The following ROCK1 variants were observed in gnomAD, a reference collection of about 807,000 sequenced individuals.
ROCK1 encodes the protein rho-associated protein kinase 1.
Under a neutral mutation model 196.8 loss-of-function variants are expected in ROCK1, and 36 were observed. The ratio of observed to expected loss-of-function variants is 0.18; its 90% confidence interval spans 0.14 to 0.24. The LOEUF (loss-of-function observed/expected upper bound fraction) is 0.24. ROCK1 is among the 10% of genes least tolerant of loss of function. ROCK1 has a pLI of 1.00. For synonymous variants in ROCK1, 443 were observed against 515.9 expected (o/e 0.86, Z 1.91); for missense variants, 920 against 1,562.0 (o/e 0.59, Z 6.93).
chr18:21,035,353 C>A (rs1343962650), intron 9 of ROCK1, among the ~76,000 whole-genome samples: 6 of 152,192 alleles, frequency 3.9e-5, no homozygotes, highest in Admixed American at 3.9e-4. Flanking sequence ...AATGTTATGG[C>A]ATTTCCTCAA....
chr18:21,008,309 G>A (rs1287279213), intron 13 of ROCK1, 115 bp from the exon 14 acceptor site: 36 of 738,640 alleles, frequency 4.9e-5, no homozygotes, highest in Admixed American at 6.7e-5. Context: ...AAACACTTAA[G>A]ATGAATGTTC....
intron 13 of ROCK1, among the ~76,000 whole-genome samples, chr18:21,010,477 C>T (rs2035807365): frequency 6.6e-6 from 1 of 152,092 alleles, no homozygotes; most frequent in African/African-American, 2.4e-5. Flanking sequence ...GTATTTTTTT[C>T]ACTGAGACTT....
intron 2 of ROCK1, among the ~76,000 whole-genome samples, chr18:21,067,753 T>G (rs1007816217): frequency 2.0e-5 from 3 of 152,224 alleles, no homozygotes; most frequent in African/African-American, 7.2e-5. Context: ...CCAGTTTATC[T>G]ATTTTTCTTT....
At chr18:20,959,031 ATT>A (rs1489056923) in intron 29 of ROCK1, among the ~76,000 whole-genome samples, 3 of 65,260 alleles carry the variant, frequency 4.6e-5, no homozygotes, top group Non-Finnish European at 7.2e-5. Flanking sequence ...TAATATATAT[ATT>A]TTATATAATA....
chr18:21,028,600 A>G (rs2035981106), intron 10 of ROCK1, among the ~76,000 whole-genome samples, 176 bp downstream of exon 10: 6 of 152,224 alleles, frequency 3.9e-5, no homozygotes, highest in Admixed American at 3.3e-4. Flanking sequence ...TGTCCTAAAC[A>G]TGGATGAGTC....
chr18:21,085,448 A>G (rs999868221), intron 1 of ROCK1, among the ~76,000 whole-genome samples: 3 of 152,032 alleles, frequency 2.0e-5, no homozygotes, highest in African/African-American at 7.2e-5. Flanking sequence ...GAAGGTGCAC[A>G]TACCAGCTTA....
At position 21,042,245 on chromosome 18, in the gene ROCK1, T is replaced by C. The variant is rs1409074961; in HGVS notation, c.821-10A>G. The C allele has an allele frequency of 6.4e-7, 1 of 1,554,628 alleles. No homozygotes were observed. The highest frequency in any genetic ancestry group is 8.6e-7 in the Non-Finnish European group (1 of 1,158,356). On this transcript the variant is annotated splice_polypyrimidine_tract_variant and intron_variant, in intron 7 of 32. Transcript: ENST00000399799. ...TAAAAAGGTGTATCACCTGAAAAAT[T>C]GATAAAGAAAACAAAAGCAAAATGA...
At chr18:21,072,720 C>CA (rs999215268) in intron 1 of ROCK1, among the ~76,000 whole-genome samples, 2 of 152,066 alleles carry the variant, frequency 1.3e-5, no homozygotes, top group African/African-American at 4.8e-5. Flanking sequence ...TAGGCATGAG[C>CA]AAAACTACCT....
intron 1 of ROCK1, among the ~76,000 whole-genome samples, chr18:21,075,530 A>G (rs1413783877): frequency 6.6e-6 from 1 of 152,216 alleles, no homozygotes; most frequent in East Asian, 1.9e-4. Context: ...TTGGGACTAC[A>G]ATACAGATTT....
At chr18:20,982,731 C>G (rs377754011) in intron 21 of ROCK1, 32 bp downstream of exon 21, 34 of 1,049,828 alleles carry the variant, frequency 3.2e-5, no homozygotes, top group East Asian at 1.7e-4. Flanking sequence ...GGTTTTGAAA[C>G]AGTGTGTATG....
intron 1 of ROCK1, among the ~76,000 whole-genome samples, chr18:21,072,362 A>G (rs1298383225): frequency 6.6e-6 from 1 of 152,208 alleles, no homozygotes; most frequent in East Asian, 1.9e-4. Context: ...GCAAGAATGT[A>G]TTCTTCTAAC....
chr18:21,056,330 A>C (rs1462498104), intron 2 of ROCK1, among the ~76,000 whole-genome samples: 2 of 152,216 alleles, frequency 1.3e-5, no homozygotes, highest in Non-Finnish European at 2.9e-5. Flanking sequence ...AAACTGAAGA[A>C]ATATTCTCAC....
At chr18:21,024,883 G>T (rs1441567526) in intron 10 of ROCK1, among the ~76,000 whole-genome samples, 1 of 152,182 alleles carries the variant, frequency 6.6e-6, no homozygotes, top group African/African-American at 2.4e-5. Flanking sequence ...TAGGTGTGGT[G>T]CAATTTAATT....
chr18:20,987,319 A>G (rs890914763), intron 18 of ROCK1, among the ~76,000 whole-genome samples: 15 of 152,240 alleles, frequency 9.9e-5, no homozygotes, highest in Non-Finnish European at 2.1e-4. Flanking sequence ...AATATAATAC[A>G]GTAATAAAAT....
intron 16 of ROCK1, 142 bp from the exon 17 acceptor site, chr18:20,993,079 A>G (rs987541028): frequency 1.7e-6 from 1 of 574,852 alleles, no homozygotes; most frequent in Admixed American, 3.2e-5. Context: ...TGTTTTCACA[A>G]TAAACACAAG....
intron 1 of ROCK1, among the ~76,000 whole-genome samples, chr18:21,072,339 G>C (rs1371138772): frequency 6.6e-6 from 1 of 152,070 alleles, no homozygotes; most frequent in Non-Finnish European, 1.5e-5. Flanking sequence ...CCTTTATTAG[G>C]GAAATAAAGT....
At chr18:20,991,056 G>T in intron 18 of ROCK1, 120 bp downstream of exon 18, 2 of 763,684 alleles carry the variant, frequency 2.6e-6, no homozygotes, top group East Asian at 2.7e-5. Context: ...CACTGTGCCA[G>T]GCCTATAATT....
At chr18:20,963,019 G>A (rs1431962668) in intron 27 of ROCK1, among the ~76,000 whole-genome samples, 2 of 151,926 alleles carry the variant, frequency 1.3e-5, no homozygotes, top group Non-Finnish European at 2.9e-5. Flanking sequence ...GAGGTATAAC[G>A]CTGTAAATTC....
At chr18:21,006,949 T>A (rs559046889) in intron 14 of ROCK1, among the ~76,000 whole-genome samples, 159 bp from the exon 15 acceptor site, 1 of 152,302 alleles carries the variant, frequency 6.6e-6, no homozygotes, top group South Asian at 2.1e-4. Flanking sequence ...ACCTGCATTT[T>A]AAATTCATTA....
Sources: gnomAD v4.1 joint callset for allele counts (sites outside exome capture counted in the v4.1 genomes callset) on GRCh38, gnomAD v4.1.1 for gene constraint, MANE v1.5 for transcripts, NCBI Gene and HGNC (gene_info 2026-07-23, HGNC 2026-07-21) for gene names.